Variants in VWF observed in about 807,000 individuals in gnomAD.
VWF encodes Factor VIII related antigen.
VWF carries 176 observed loss-of-function variants against 308.6 expected under a neutral mutation model. That is an observed-to-expected ratio of 0.57 (90% CI 0.50 to 0.65). VWF has a LOEUF of 0.65. VWF is among the 30% of genes least tolerant of loss of function. VWF has a pLI of 0.00. For synonymous variants in VWF, 1,385 were observed against 1,443.4 expected, an observed-to-expected ratio of 0.96 and a Z score of 0.92; for missense variants, 3,146 against 3,648.2, an observed-to-expected ratio of 0.86 and a Z score of 3.55.
At chr12:6,021,794 C>T in intron 27 of VWF, 106 bp downstream of exon 27, 6 of 1,313,184 alleles carry the variant, frequency 4.6e-6, no homozygotes, top group South Asian at 1.2e-5. Context: ...AACTCAGTCT[C>T]TCAACTCATG....
chr12:6,068,544 A>T (rs549405649), intron 10 of VWF, among the ~76,000 whole-genome samples: 126 of 151,902 alleles, frequency 8.3e-4, no homozygotes, highest in Admixed American at 1.9e-3. Flanking sequence ...ATCTCGGCTC[A>T]CTGAAGACTC....
chr12:6,119,239 G>A (rs558123593), intron 3 of VWF, among the ~76,000 whole-genome samples: 173 of 152,312 alleles, frequency 1.1e-3, no homozygotes, highest in African/African-American at 4.0e-3. Flanking sequence ...CACCCTCAAA[G>A]TCTGGTTACC....
At position 6,057,137 on chromosome 12, in the gene VWF, C is replaced by A. The variant is rs924100634; in HGVS notation, c.1730-65G>T. ...GGAGTGGGGGCCACGCCCTCCCGGT[C>A]AACACTCCCCTGGAAATAGCCCAGT... On this transcript the variant is annotated intron_variant, in intron 14 of 51. Transcript: ENST00000261405. 9.1e-6 allele frequency: 13 copies of A among 1,423,458 alleles called. No homozygotes were observed. In the South Asian group the frequency reaches 1.5e-4, roughly 17 times the overall value. 88.2% of individuals were successfully genotyped at this position (1,423,458 alleles called of 1,614,324 possible). A position where few individuals can be genotyped will look rare whatever the true frequency, so the allele number is the denominator to read the frequency against.
chr12:6,022,127 C>T, intron 26 of VWF, 92 bp from the exon 27 acceptor site: 1 of 1,586,750 alleles, frequency 6.3e-7, no homozygotes, highest in South Asian at 1.1e-5. Flanking sequence ...CCAACTCCTC[C>T]TCCTGCCCTA....
Position 5,952,498 on chromosome 12 carries a change from C to G in VWF, c.8008G>C (p.Gly2670Arg). 1.2e-6 allele frequency: 2 copies of G among 1,614,024 alleles called. No individual in the cohort carries two copies. The highest frequency in any genetic ancestry group is 1.7e-6 in the Non-Finnish European group (2 of 1,179,926). ...TLKRDETLQD[G>R]CDTHFCKVNE... Reference sequence around the variant, plus strand: ...ACCTTGCAGAAGTGAGTATCACAGCCATCCTGGAGCGTCTCATCACGCTGG... The same window carrying G: ...ACCTTGCAGAAGTGAGTATCACAGCGATCCTGGAGCGTCTCATCACGCTGG... Residue 2670 changes from glycine (G) to arginine (R), a missense_variant, in exon 49 of 52, where the codon GGC becomes CGC. Around this residue, in one of 3 missense-constraint regions of VWF, gnomAD observed 989 missense variants for 1,117.4 expected, o/e 0.89. Coordinates refer to ENST00000261405, the MANE Select transcript of VWF (RefSeq NM_000552.5).
intron 47 of VWF, among the ~76,000 whole-genome samples, chr12:5,957,564 C>T (rs568457418): frequency 2.0e-5 from 3 of 151,576 alleles, no homozygotes; most frequent in East Asian, 1.9e-4. Context: ...ATAAAAATGG[C>T]GGCTGACTGG....
At position 6,121,265 on chromosome 12, in the gene VWF, G is replaced by A. The variant is rs1945428076; in HGVS notation, c.129C>T (p.Val43=). Residue 43 remains valine (V), a synonymous_variant, in exon 3 of 52, where the codon GTC becomes GTT. Coordinates refer to ENST00000261405, the MANE Select transcript of VWF (RefSeq NM_000552.5). ...TGTACATGCTCCCATCAAAGGTGTT[G>A]ACGAAGTCACTTCCGAAAAGGCTGC... ...ARCSLFGSDF[V]NTFDGSMYSF... 11 of 1,614,252 alleles carry A rather than the reference G, an allele frequency of 6.8e-6. No homozygotes were observed. Among genetic ancestry groups the A allele is most frequent in the Non-Finnish European group, 8.5e-6 (10 of 1,180,044 alleles).
chr12:6,120,343 A>G (rs2136534327), intron 3 of VWF, among the ~76,000 whole-genome samples: 1 of 150,382 alleles, frequency 6.6e-6, no homozygotes, highest in Middle Eastern at 3.4e-3. Flanking sequence ...TTTTTTTGAG[A>G]TGGAGTCTCG....
chr12:5,968,037 C>G, intron 46 of VWF, 90 bp downstream of exon 46: 1 of 1,574,874 alleles, frequency 6.3e-7, no homozygotes, highest in Non-Finnish European at 8.7e-7. Flanking sequence ...TCCTTCATTT[C>G]TGCTTTACAA....
chr12:6,063,071 C>G lies in VWF; in HGVS notation c.1433-17G>C. The G allele has an allele frequency of 6.2e-7, 1 of 1,608,832 alleles. No homozygotes were observed. The highest frequency in any genetic ancestry group is 2.2e-5 in the East Asian group (1 of 44,840). The stretch of plus-strand genomic sequence containing the variant: ...GGAGGTCACCTGGAACCCAGCAGGA[C>G]AGGACTCAGGCAGAGGTGGGGAGAG... On this transcript the variant is annotated splice_polypyrimidine_tract_variant and intron_variant, in intron 12 of 51. Transcript: ENST00000261405. The surrounding 1 kb of genome is among the most constrained non-coding windows in gnomAD (Gnocchi z 4.9).
intron 5 of VWF, chr12:6,096,027 T>C (rs1038534690): frequency 3.0e-5 from 9 of 295,722 alleles, no homozygotes; most frequent in Non-Finnish European, 5.3e-5. Flanking sequence ...TAAGCATGCA[T>C]ACAGTGCTCA....
At chr12:6,027,883 C>CACAT (rs71064184) in intron 22 of VWF, among the ~76,000 whole-genome samples, 1 of 148,014 alleles carries the variant, frequency 6.8e-6, no homozygotes, top group Non-Finnish European at 1.5e-5. Context: ...CACACACACA[C>CACAT]CCCTAAACAA....
rs756572800 is a variant in VWF at position 6,075,323 on chromosome 12, G to C, written c.874+12C>G. The C allele has an allele frequency of 1.2e-6, 2 of 1,613,818 alleles. No homozygotes were observed. The highest frequency in any genetic ancestry group is 1.1e-5 in the South Asian group (1 of 91,080). ...CCCCGGCAGGGCAGGACGGGGCAGG[G>C]GGCCGACTTACTGCACGCGCTGTGG... On this transcript the variant is annotated intron_variant, in intron 7 of 51. Coordinates refer to ENST00000261405, the MANE Select transcript of VWF (RefSeq NM_000552.5). This position sits in a 1 kb window ranked among gnomAD's most constrained non-coding sequence, Gnocchi z 4.7.
chr12:6,055,837 C>G (rs1441379547), intron 15 of VWF, among the ~76,000 whole-genome samples: 1 of 149,448 alleles, frequency 6.7e-6, no homozygotes, highest in Non-Finnish European at 1.5e-5. Flanking sequence ...TGCAGTGGTG[C>G]GATCATAACT....
intron 47 of VWF, among the ~76,000 whole-genome samples, chr12:5,967,050 C>T (rs564565730): frequency 2.6e-5 from 4 of 152,244 alleles, no homozygotes; most frequent in Admixed American, 1.3e-4. Context: ...CCAAATGTCC[C>T]GCAATAATAG....
At position 6,019,029 on chromosome 12, in the gene VWF, T is replaced by G. The variant is rs759931005; in HGVS notation, c.4389A>C (p.Glu1463Asp). The change falls in exon 28 of 52, where the codon GAA becomes GAC. Residue 1463 changes from glutamate (E) to aspartate (D), a missense_variant. Coordinates refer to ENST00000261405, the MANE Select transcript of VWF (RefSeq NM_000552.5). This position sits in a 1 kb window ranked among gnomAD's most constrained non-coding sequence, Gnocchi z 5.8. Reference sequence around the variant, plus strand: ...CGGGGGGCAGAGTAGGAGGAGGGGCTTCAGGGGCAAGGTCACAGAGGTAGC... The same window carrying G: ...CGGGGGGCAGAGTAGGAGGAGGGGCGTCAGGGGCAAGGTCACAGAGGTAGC... ...IVSYLCDLAPEAPPPTLPPDM... is the reference protein window; with the variant it reads ...IVSYLCDLAPDAPPPTLPPDM... 2 of 1,613,830 alleles carry G rather than the reference T, an allele frequency of 1.2e-6. No individual in the cohort carries two copies. The highest frequency in any genetic ancestry group is 1.1e-5 in the South Asian group (1 of 91,044).
At chr12:6,009,637 A>C (rs1943969474) in intron 34 of VWF, among the ~76,000 whole-genome samples, 1 of 152,250 alleles carries the variant, frequency 6.6e-6, no homozygotes, top group African/African-American at 2.4e-5. Flanking sequence ...TTCATCCAAA[A>C]GCATTGAAAT....
chr12:6,051,918 ATCTTTAGACCACCAAT>A (rs1308119655), intron 16 of VWF, among the ~76,000 whole-genome samples: 2 of 152,294 alleles, frequency 1.3e-5, no homozygotes, highest in Admixed American at 1.3e-4. Flanking sequence ...AGCCTGGCTC[ATCTTTAGACCACCAAT>A]TCTTAGCCAG....
At chr12:5,997,190 C>G (rs1341244140) in intron 34 of VWF, among the ~76,000 whole-genome samples, 2 of 152,192 alleles carry the variant, frequency 1.3e-5, no homozygotes, top group African/African-American at 2.4e-5. Context: ...GCAGCCTCCC[C>G]AGAAGTTCTA....
Sources: gnomAD v4.1 joint callset for allele counts (sites outside exome capture counted in the v4.1 genomes callset) on GRCh38, gnomAD v4.1.1 for gene constraint, gnomAD v4.1.1 regional missense constraint, Gnocchi (gnomAD v3.1) non-coding constraint, MANE v1.5 for transcripts, NCBI Gene and HGNC (gene_info 2026-07-23, HGNC 2026-07-21) for gene names.